The following HIPK2 variants were observed in gnomAD, a reference collection of about 807,000 sequenced individuals.
HIPK2 encodes the protein homeodomain-interacting protein kinase 2.
In HIPK2, 27 loss-of-function variants were observed where a neutral mutation model predicts 113.7. The observed-to-expected ratio is 0.24, with a 90% confidence interval of 0.17 to 0.33. The LOEUF (loss-of-function observed/expected upper bound fraction) is 0.33, where lower values mean the gene tolerates loss of function less well. HIPK2 is among the 10% of genes least tolerant of loss of function. HIPK2 has a pLI of 1.00. For missense variants in HIPK2, 1,257 were observed against 1,588.0 expected, an observed-to-expected ratio of 0.79 and a Z score of 3.54; for synonymous variants, 631 against 642.2, an observed-to-expected ratio of 0.98 and a Z score of 0.26.
At chr7:139,752,724 GA>G (rs768536532) in intron 1 of HIPK2, among the ~76,000 whole-genome samples, 1,474 of 104,606 alleles carry the variant, frequency 0.014, 9 homozygotes, top group Non-Finnish European at 0.02. Context: ...TTTCACAGCT[GA>G]AAAAAAAAAA....
chr7:139,701,643 C>T (rs948193046), intron 2 of HIPK2, among the ~76,000 whole-genome samples: 16 of 152,152 alleles, frequency 1.1e-4, no homozygotes, highest in African/African-American at 1.9e-4. Flanking sequence ...GTTCTCTCCC[C>T]GGGTTTAAGA....
chr7:139,626,302 C>T (rs1800426873), intron 6 of HIPK2, among the ~76,000 whole-genome samples: 1 of 151,972 alleles, frequency 6.6e-6, no homozygotes, highest in Admixed American at 6.6e-5. Flanking sequence ...AGGGTTTCAC[C>T]ATATTGGCCA....
intron 12 of HIPK2, among the ~76,000 whole-genome samples, chr7:139,594,011 AC>A (rs1799114125): frequency 6.6e-6 from 1 of 151,638 alleles, no homozygotes; most frequent in Non-Finnish European, 1.5e-5. Flanking sequence ...TCCCTCCCCA[AC>A]CCCCTTTCCA....
rs1156765068 is a variant in HIPK2, at chr7:139,631,405, CAAAA to C, written c.1228-125_1228-122del. ...CAATTTTTGTAGGGAAAGAAGTTAA[CAAAA>C]AAGAGAAAAAAGAAAAAGGGAAAAG... On this transcript the variant is annotated intron_variant, in intron 3 of 14. Transcript: ENST00000406875. This position sits in a 1 kb window ranked among gnomAD's most constrained non-coding sequence, Gnocchi z 4.9. 3 of 1,406,894 alleles carry C rather than the reference CAAAA, an allele frequency of 2.1e-6. No homozygotes were observed. The African/African-American group carries it at 4.4e-5, about 21-fold the overall frequency. The allele number at this position is 1,406,894 out of a possible 1,614,324, so 87.2% of individuals were successfully genotyped here.
intron 1 of HIPK2, 142 bp downstream of exon 1, chr7:139,777,463 A>C: frequency 1.1e-5 from 2 of 186,228 alleles, no homozygotes; most frequent in Non-Finnish European, 2.1e-5. Flanking sequence ...CGGGCGAGGG[A>C]GGGGGTCGCG....
At chr7:139,674,556 G>A (rs1209617203) in intron 2 of HIPK2, among the ~76,000 whole-genome samples, 3 of 83,730 alleles carry the variant, frequency 3.6e-5, no homozygotes, top group African/African-American at 1.1e-4. Flanking sequence ...GACAGGCTAC[G>A]TGGGAAAGGC....
intron 9 of HIPK2, among the ~76,000 whole-genome samples, chr7:139,610,011 C>T (rs545301676): frequency 2.0e-5 from 3 of 152,270 alleles, no homozygotes; most frequent in Middle Eastern, 3.4e-3. Flanking sequence ...TCCTTACACA[C>T]GTATTTTTTG....
At chr7:139,584,435 T>G (rs115402757) in intron 12 of HIPK2, among the ~76,000 whole-genome samples, 126 of 152,194 alleles carry the variant, frequency 8.3e-4, no homozygotes, top group African/African-American at 2.9e-3. Flanking sequence ...GAATGGGACA[T>G]CTGAGCAAGG....
intron 1 of HIPK2, among the ~76,000 whole-genome samples, chr7:139,736,919 A>G (rs1490802656): frequency 6.6e-6 from 1 of 152,178 alleles, no homozygotes; most frequent in Non-Finnish European, 1.5e-5. Context: ...CAAGCCACAC[A>G]GGCCCAGCGC....
chr7:139,585,796 T>C lies in HIPK2; in HGVS notation c.2718-1732A>G, dbSNP rs76618773. The stretch of plus-strand genomic sequence containing the variant: ...GAAAACAGGTTTGCAAAAAACTTAT[T>C]TAGGCAAAGAGAATTCTATCAGGGT... On this transcript the variant is annotated intron_variant, in intron 12 of 14. Transcript: ENST00000406875. 4.9e-3 allele frequency among the ~76,000 whole-genome samples: 749 copies of C among 152,350 alleles called. 7 individuals carry two copies. The highest frequency in any genetic ancestry group is 0.017 in the African/African-American group (702 of 41,580).
chr7:139,637,788 AAG>A (rs1286638698), intron 2 of HIPK2, among the ~76,000 whole-genome samples: 2 of 152,182 alleles, frequency 1.3e-5, no homozygotes, highest in African/African-American at 4.8e-5. Context: ...GTGCAGATAA[AAG>A]AGAGTAGAAG....
chr7:139,627,298 CTATGTATGTATGTATG>C (rs34240424), intron 5 of HIPK2, among the ~76,000 whole-genome samples: 102 of 148,560 alleles, frequency 6.9e-4, no homozygotes, highest in Non-Finnish European at 1.1e-3. Context: ...ACAAAAAAGT[CTATGTATGTATGTATG>C]TATGTATGTA....
intron 2 of HIPK2, among the ~76,000 whole-genome samples, chr7:139,666,214 G>C (rs907080794): frequency 3.9e-5 from 6 of 152,010 alleles, no homozygotes; most frequent in African/African-American, 1.4e-4. Context: ...CTCCTTCAAA[G>C]AAAAGGTCAA....
intron 2 of HIPK2, among the ~76,000 whole-genome samples, chr7:139,667,524 A>T (rs1049897114): frequency 2.6e-5 from 4 of 152,196 alleles, no homozygotes; most frequent in Admixed American, 2.0e-4. Context: ...CCTTTGTGAC[A>T]ACTAGTAACA....
chr7:139,661,336 G>A (rs965065576), intron 2 of HIPK2, among the ~76,000 whole-genome samples: 2 of 152,170 alleles, frequency 1.3e-5, no homozygotes, highest in Non-Finnish European at 2.9e-5. Context: ...CCACTGGTGA[G>A]CTGCTCATGA....
chr7:139,744,688 T>C (rs1054392212), intron 1 of HIPK2, among the ~76,000 whole-genome samples: 3 of 152,104 alleles, frequency 2.0e-5, no homozygotes, highest in Non-Finnish European at 2.9e-5. Context: ...ATGAGGAAAC[T>C]TGAGGACTGG....
intron 2 of HIPK2, among the ~76,000 whole-genome samples, chr7:139,690,065 G>A (rs560052826): frequency 5.0e-4 from 76 of 151,454 alleles, no homozygotes; most frequent in African/African-American, 1.8e-3. Flanking sequence ...GGTGGGGGCG[G>A]GGGTGGGGGA....
intron 2 of HIPK2, among the ~76,000 whole-genome samples, chr7:139,702,491 A>G (rs1794739966): frequency 6.6e-6 from 1 of 152,096 alleles, no homozygotes; most frequent in Non-Finnish European, 1.5e-5. Context: ...GAGGATACGT[A>G]CCCCATTACA....
At chr7:139,673,412 T>C (rs1354588687) in intron 2 of HIPK2, among the ~76,000 whole-genome samples, 2 of 152,154 alleles carry the variant, frequency 1.3e-5, no homozygotes, top group Admixed American at 1.3e-4. Context: ...AAAAGTCACT[T>C]AGCTACCAAT....
Sources: allele counts gnomAD v4.1 joint callset (sites outside exome capture counted in the v4.1 genomes callset), GRCh38; gene constraint gnomAD v4.1.1; non-coding constraint Gnocchi (gnomAD v3.1); transcripts MANE v1.5; gene names NCBI Gene and HGNC (gene_info 2026-07-23, HGNC 2026-07-21).